GSDMC: variants seen among roughly 807,000 people sequenced by gnomAD.
GSDMC encodes the protein gasdermin-C.
GSDMC carries 59 observed loss-of-function variants against 58.0 expected under a neutral mutation model. The observed-to-expected ratio is 1.02, with a 90% CI of 0.82 to 1.26. The LOEUF is 1.26. Among genes scored for constraint, GSDMC ranks in the 50% most tolerant of loss-of-function variants. The pLI, the probability that GSDMC is intolerant of heterozygous loss-of-function variation, is 0.00. For missense variants in GSDMC, 659 were observed against 598.5 expected, an observed-to-expected ratio of 1.10 and a Z score of -1.06; for synonymous variants, 241 against 220.2, an observed-to-expected ratio of 1.09 and a Z score of -0.83.
chr8:129,767,314 C>T (rs573894113), intron 3 of GSDMC, among the ~76,000 whole-genome samples: 5 of 152,266 alleles, frequency 3.3e-5, no homozygotes, highest in African/African-American at 1.2e-4. Context: ...AGCCAGCAAC[C>T]ACACCTAACT....
chr8:129,752,033 T>C (rs1350708928), intron 8 of GSDMC, 73 bp downstream of exon 8: 34 of 1,474,024 alleles, frequency 2.3e-5, no homozygotes, highest in Non-Finnish European at 3.2e-5. Flanking sequence ...CTTTGGGTAA[T>C]AGCACCAAAG....
the GSDMC span, among the ~76,000 whole-genome samples, chr8:129,742,151 G>A: frequency 1.6e-3 from 238 of 151,972 alleles, 1 homozygote; most frequent in African/African-American, 5.3e-3. Flanking sequence ...CTAAGATGGG[G>A]GTTATTGAAG....
At chr8:129,761,714 G>A (rs2033668135) in intron 5 of GSDMC, among the ~76,000 whole-genome samples, 1 of 152,154 alleles carries the variant, frequency 6.6e-6, no homozygotes, top group African/African-American at 2.4e-5. Context: ...GACCTCTCCT[G>A]AGAGTGGGAA....
chr8:129,766,499 A>G (rs1248048135), intron 3 of GSDMC, among the ~76,000 whole-genome samples: 1 of 152,192 alleles, frequency 6.6e-6, no homozygotes, highest in East Asian at 1.9e-4. Context: ...TCAGTAGAGA[A>G]GGTTACTGCG....
At chr8:129,763,305 A>G (rs571221112) in intron 4 of GSDMC, among the ~76,000 whole-genome samples, 76 of 152,208 alleles carry the variant, frequency 5.0e-4, no homozygotes, top group African/African-American at 9.6e-5. Context: ...TCTCTGGAAT[A>G]TGACTTTATT....
At chr8:129,778,321 T>C (rs1025548450) in intron 1 of GSDMC, among the ~76,000 whole-genome samples, 1 of 152,122 alleles carries the variant, frequency 6.6e-6, no homozygotes, top group South Asian at 2.1e-4. Flanking sequence ...TGAGGGCAAG[T>C]TGGTGAAGGC....
chr8:129,770,073 C>A (rs1229471241), intron 3 of GSDMC, among the ~76,000 whole-genome samples: 3 of 152,052 alleles, frequency 2.0e-5, no homozygotes, highest in Non-Finnish European at 2.9e-5. Flanking sequence ...TTAAAAATAA[C>A]TCTATAATAA....
intron 6 of GSDMC, among the ~76,000 whole-genome samples, chr8:129,759,471 A>G (rs992634140): frequency 3.9e-5 from 6 of 152,236 alleles, no homozygotes; most frequent in African/African-American, 1.4e-4. Flanking sequence ...CCATCTGAGA[A>G]GGGATTAATA....
At chr8:129,728,750 G>T in the GSDMC span, 4 of 486,450 alleles carry the variant, frequency 8.2e-6, no homozygotes, top group Non-Finnish European at 1.5e-5. Flanking sequence ...TGCACAGTGC[G>T]ATATAAAACT....
chr8:129,725,723 G>T, the GSDMC span, among the ~76,000 whole-genome samples: 1 of 152,092 alleles, frequency 6.6e-6, no homozygotes, highest in East Asian at 1.9e-4. Context: ...ACTATACTAG[G>T]TTCTTTATAT....
At chr8:129,758,365 A>G (rs1242498443) in intron 6 of GSDMC, among the ~76,000 whole-genome samples, 1 of 152,214 alleles carries the variant, frequency 6.6e-6, no homozygotes, top group East Asian at 1.9e-4. Flanking sequence ...AGTCTTAGCT[A>G]GAGCAATCAG....
chr8:129,777,839 C>T (rs116228866), intron 1 of GSDMC, among the ~76,000 whole-genome samples: 1,705 of 152,204 alleles, frequency 0.011, 28 homozygotes, highest in African/African-American at 0.039. Flanking sequence ...TCCGCCTCAG[C>T]CTACCTAGCA....
chr8:129,776,610 A>G (rs2034234500), intron 2 of GSDMC, among the ~76,000 whole-genome samples: 1 of 152,242 alleles, frequency 6.6e-6, no homozygotes, highest in Non-Finnish European at 1.5e-5. Flanking sequence ...CAGCAGGCAC[A>G]GCACCCAGCA....
At position 129,748,290 on chromosome 8, in the gene GSDMC, T is replaced by C; in HGVS notation, c.*211A>G. On this transcript the variant is annotated 3_prime_UTR_variant, in exon 14 of 14. Coordinates refer to ENST00000276708, the MANE Select transcript of GSDMC (RefSeq NM_031415.3). ...ATACTATTTGAGGAGTTTTGACAAATATATAAACTCTTGTCAATATATAAA... is the reference window on the plus strand; with the variant it reads ...ATACTATTTGAGGAGTTTTGACAAACATATAAACTCTTGTCAATATATAAA... 2.3e-6 allele frequency: 1 copy of C among 433,920 alleles called. No individual in the cohort carries two copies. Among genetic ancestry groups the C allele is most frequent in the Non-Finnish European group, 4.0e-6 (1 of 247,156 alleles). The allele number at this position is 433,920 out of a possible 1,614,324, so 26.9% of individuals were successfully genotyped here.
chr8:129,770,908 C>G (rs1036660022), intron 3 of GSDMC, among the ~76,000 whole-genome samples: 1 of 151,668 alleles, frequency 6.6e-6, no homozygotes. Context: ...GCTTTAAGGA[C>G]ACACAGGCTG....
At chr8:129,784,274 G>T (rs1378411479) in intron 1 of GSDMC, among the ~76,000 whole-genome samples, 1 of 151,960 alleles carries the variant, frequency 6.6e-6, no homozygotes, top group African/African-American at 2.4e-5. Flanking sequence ...CTTCCCTCCA[G>T]CAAAGGAAAA....
In GSDMC at chr8:129,765,624, A is replaced by C. The variant is rs779881574; in HGVS notation, c.570+4T>G. 13 of 1,610,276 alleles carry C rather than the reference A, an allele frequency of 8.1e-6. No homozygotes were observed. The South Asian group carries it at 1.3e-4, about 16-fold the overall frequency. ...TTCAATCCCACTTCAGGACAACTTT[A>C]TACCTTGCCATAGGTAATCCAAAGA... On this transcript the variant is annotated splice_donor_region_variant and intron_variant, in intron 4 of 13. Coordinates refer to ENST00000276708, the MANE Select transcript of GSDMC (RefSeq NM_031415.3).
Position 129,762,710 on chromosome 8 carries a change from G to A in GSDMC, c.592C>T (p.Leu198Phe). The A allele has an allele frequency of 6.2e-7, 1 of 1,613,128 alleles. No homozygotes were observed. Among genetic ancestry groups the A allele is most frequent in the Middle Eastern group, 1.7e-4 (1 of 6,060 alleles). Reference sequence around the variant, plus strand: ...GTCAGCGCCTTCTTCTTCACTCTGAGACTCTCTCCTTGGCCTTGACCCTGG... The same window carrying A: ...GTCAGCGCCTTCTTCTTCACTCTGAAACTCTCTCCTTGGCCTTGACCCTGG... ...YGKGQGQGESLRVKKKALTLQ... is the reference protein window; with the variant it reads ...YGKGQGQGESFRVKKKALTLQ... The change falls in exon 5 of 14, where the codon CTC (leucine) becomes TTC (phenylalanine). Residue 198 changes from leucine to phenylalanine, a missense_variant. By Grantham distance (22) the Leu-to-Phe change is conservative (BLOSUM62 0). Coordinates refer to ENST00000276708, the MANE Select transcript of GSDMC (RefSeq NM_031415.3).
At chr8:129,745,466 A>G (rs1209988229), downstream of GSDMC, among the ~76,000 whole-genome samples, 1 of 152,172 alleles carries the variant, frequency 6.6e-6, no homozygotes, top group Non-Finnish European at 1.5e-5. Flanking sequence ...ATACATCTAT[A>G]GTGTCTGTGC....
Sources: gnomAD v4.1 joint callset for allele counts (sites outside exome capture counted in the v4.1 genomes callset) on GRCh38, gnomAD v4.1.1 for gene constraint, MANE v1.5 for transcripts, NCBI Gene and HGNC (gene_info 2026-07-23, HGNC 2026-07-21) for gene names.